The following GFPT2 variants were observed in gnomAD, a reference collection of about 807,000 sequenced individuals.
GFPT2 encodes glutamine--fructose-6-phosphate aminotransferase [isomerizing] 2.
Under a neutral mutation model 85.6 loss-of-function variants are expected in GFPT2, and 62 were observed. The ratio of observed to expected loss-of-function variants is 0.72; its 90% CI spans 0.59 to 0.90. GFPT2 has a LOEUF of 0.90. Ranked by LOEUF, GFPT2 falls within the 40% of genes least tolerant of loss-of-function variation. GFPT2 has a pLI of 0.00. For missense variants in GFPT2, 788 were observed against 893.4 expected, an observed-to-expected ratio of 0.88 and a Z score of 1.50; for synonymous variants, 368 against 344.5, an observed-to-expected ratio of 1.07 and a Z score of -0.75.
Position 180,330,123 on chromosome 5 carries a change from C to A in GFPT2, c.534+577G>T, listed in dbSNP as rs1270632583. Among the ~76,000 whole-genome samples the A allele has an allele frequency of 6.6e-6, 1 of 152,188 alleles. No individual in the cohort carries two copies. The highest frequency in any genetic ancestry group is 1.5e-5 in the Non-Finnish European group (1 of 68,038). On this transcript the variant is annotated intron_variant, in intron 6 of 18. Transcript: ENST00000253778. The surrounding 1 kb of genome is among the most constrained non-coding windows in gnomAD (Gnocchi z 4.4). ...ATCACTTAAAGTCAGGAGTTCGAGA[C>A]CAGCCTGGTCAACATAGTGAAACCC...
rs1296791151 is a variant in GFPT2, at chr5:180,324,303, T to C, written c.679A>G (p.Thr227Ala). Residue 227 changes from threonine to alanine, a missense_variant and splice_region_variant, in exon 9 of 19, where the codon ACT (threonine) becomes GCT (alanine). Physicochemically the swap from Thr to Ala is moderately conservative, Grantham distance 58 (BLOSUM62 0). Transcript: ENST00000253778. ...EQIPILYRTC[T>A]LENVKNICKT... ...CAGATATTCTTCACATTCTCCAGAG[T>C]GCCTAGCAAATGGAGGAATGGGTTG... 1.9e-6 allele frequency: 3 copies of C among 1,553,922 alleles called. No homozygotes were observed. The highest frequency in any genetic ancestry group is 2.6e-6 in the Non-Finnish European group (3 of 1,132,268).
At chr5:180,348,693 C>T (rs930345007) in intron 1 of GFPT2, among the ~76,000 whole-genome samples, 26 of 151,996 alleles carry the variant, frequency 1.7e-4, no homozygotes, top group African/African-American at 5.6e-4. Context: ...AGATAATAGA[C>T]TCTGCTTCCT....
rs116988206 is a variant in GFPT2, at chr5:180,337,176, C to T, written c.116-599G>A. On this transcript the variant is annotated intron_variant, in intron 2 of 18. Coordinates refer to ENST00000253778, the MANE Select transcript of GFPT2 (RefSeq NM_005110.4). ...TACTTAGAAAGAGTTTAGGATCGGC[C>T]GGGTGCGGTGGCTCACGCCTGTAAT... is the stretch of plus-strand genomic sequence containing the variant. 9.5e-4 allele frequency among the ~76,000 whole-genome samples: 145 copies of T among 152,290 alleles called. 3 individuals carry two copies. In the East Asian group the frequency reaches 0.026, roughly 27 times the overall value.
intron 9 of GFPT2, among the ~76,000 whole-genome samples, chr5:180,322,076 C>T (rs1160813866): frequency 6.6e-6 from 1 of 152,192 alleles, no homozygotes; most frequent in Admixed American, 6.5e-5. Flanking sequence ...CGTGAGCCAC[C>T]ACGCCCGGCC....
rs561814328 is a variant in GFPT2, at chr5:180,307,316, C to T, written c.1547-13G>A. On this transcript the variant is annotated splice_polypyrimidine_tract_variant and intron_variant, in intron 15 of 18. Transcript: ENST00000253778. ...TCCTTGATCAGCTCTGGGCCATGCA[C>T]GGAGCAGAGGGAGAAAACCAGTCAG... 12 of 1,613,686 alleles carry T rather than the reference C, an allele frequency of 7.4e-6. No individual in the cohort carries two copies. The highest frequency in any genetic ancestry group is 2.7e-5 in the African/African-American group (2 of 75,036).
At chr5:180,352,259 G>A (rs1048357352) in intron 1 of GFPT2, 1 of 373,246 alleles carries the variant, frequency 2.7e-6, no homozygotes, top group African/African-American at 2.3e-5. Flanking sequence ...AAGTCAGAGA[G>A]AGGCCTTTCA....
At chr5:180,316,003 C>T (rs925772152) in intron 13 of GFPT2, among the ~76,000 whole-genome samples, 1 of 152,234 alleles carries the variant, frequency 6.6e-6, no homozygotes, top group Non-Finnish European at 1.5e-5. Flanking sequence ...TTTCTATTAA[C>T]ATAAATCAGC....
intron 1 of GFPT2, among the ~76,000 whole-genome samples, chr5:180,348,001 G>A (rs2127658570): frequency 6.6e-6 from 1 of 152,196 alleles, no homozygotes; most frequent in Non-Finnish European, 1.5e-5. Flanking sequence ...ACCGTTCCAG[G>A]GAGAGGCCCA....
chr5:180,315,494 T>G (rs1763990154), intron 13 of GFPT2, among the ~76,000 whole-genome samples: 1 of 151,790 alleles, frequency 6.6e-6, no homozygotes, highest in Non-Finnish European at 1.5e-5. Flanking sequence ...ATGTTTTTCT[T>G]TTGTCATTTT....
intron 13 of GFPT2, among the ~76,000 whole-genome samples, chr5:180,314,754 C>T (rs1006172631): frequency 6.6e-5 from 10 of 152,086 alleles, no homozygotes; most frequent in African/African-American, 1.7e-4. Flanking sequence ...CGGGGTACTG[C>T]GGTGAGGGTG....
intron 4 of GFPT2, 125 bp downstream of exon 4, chr5:180,335,703 T>C (rs985719781): frequency 7.8e-6 from 8 of 1,029,208 alleles, no homozygotes; most frequent in Non-Finnish European, 1.1e-5. Context: ...CCGCATTCTC[T>C]TGGGAAGATG....
chr5:180,301,313 G>A lies in GFPT2; in HGVS notation c.*251C>T, dbSNP rs1763667786. 1 of 567,670 alleles carries A rather than the reference G, an allele frequency of 1.8e-6. No individual in the cohort carries two copies. The highest frequency in any genetic ancestry group is 3.1e-6 in the Non-Finnish European group (1 of 321,056). 35.2% of individuals were successfully genotyped at this position (567,670 alleles called of 1,614,324 possible). ...AGAGCTGTATCTCTATTGCACAGTA[G>A]TGGAGAAGTCTGCTCTGATCCCCAT... On this transcript the variant is annotated 3_prime_UTR_variant, in exon 19 of 19. Coordinates refer to ENST00000253778, the MANE Select transcript of GFPT2 (RefSeq NM_005110.4).
At chr5:180,317,871 T>C (rs1764044289) in intron 10 of GFPT2, among the ~76,000 whole-genome samples, 1 of 151,990 alleles carries the variant, frequency 6.6e-6, no homozygotes, top group South Asian at 2.1e-4. Flanking sequence ...TTCAAGCCCC[T>C]GCACCTGATG....
Position 180,324,259 on chromosome 5 carries a change from C to T in GFPT2, c.723G>A (p.Arg241=). ...VKNICKTRMK[R]LDSSACLHAV... The stretch of plus-strand genomic sequence containing the variant: ...CATGCAGGCAGGCGGAGCTGTCCAG[C>T]CTCTTCATCCGTGTCTTACAGATAT... Residue 241 remains arginine, a synonymous_variant, in exon 9 of 19, where the codon AGG becomes AGA. Coordinates refer to ENST00000253778, the MANE Select transcript of GFPT2 (RefSeq NM_005110.4). 3 of 1,612,580 alleles carry T rather than the reference C, an allele frequency of 1.9e-6. No individual in the cohort carries two copies. The highest frequency in any genetic ancestry group is 2.5e-6 in the Non-Finnish European group (3 of 1,178,872).
chr5:180,323,242 C>A lies in GFPT2; in HGVS notation c.794+946G>T, dbSNP rs575438219. On this transcript the variant is annotated intron_variant, in intron 9 of 18. Transcript: ENST00000253778. This position sits in a 1 kb window ranked among gnomAD's most constrained non-coding sequence, Gnocchi z 4.0. ...GTCTCGTTGGTATTCTCGGCGTGTTCTAAGGGGCACCATTTGGGAAGCGCT... is the reference window on the plus strand; with the variant it reads ...GTCTCGTTGGTATTCTCGGCGTGTTATAAGGGGCACCATTTGGGAAGCGCT... Among the ~76,000 whole-genome samples the A allele has an allele frequency of 3.9e-5, 6 of 152,080 alleles. No individual in the cohort carries two copies. Among genetic ancestry groups the A allele is most frequent in the Non-Finnish European group, 5.9e-5 (4 of 68,016 alleles).
chr5:180,346,589 C>T (rs760133895), intron 1 of GFPT2, among the ~76,000 whole-genome samples: 36 of 152,244 alleles, frequency 2.4e-4, no homozygotes, highest in South Asian at 4.1e-4. Context: ...GGCCTGAGCC[C>T]GCCTTGCTCC....
rs1280094084 is a variant in GFPT2 at position 180,330,704 on chromosome 5, T to C, written c.530A>G (p.Gln177Arg). The C allele has an allele frequency of 6.2e-7, 1 of 1,612,406 alleles. No homozygotes were observed. The highest frequency in any genetic ancestry group is 8.5e-7 in the Non-Finnish European group (1 of 1,178,460). Residue 177 changes from glutamine to arginine, a missense_variant, in exon 6 of 19, where the codon CAG becomes CGG. Coordinates refer to ENST00000253778, the MANE Select transcript of GFPT2 (RefSeq NM_005110.4). The surrounding 1 kb of genome is among the most constrained non-coding windows in gnomAD (Gnocchi z 4.4). Reference sequence around the variant, plus strand: ...CAGATGGGATTTGTAACTCACCAACTGCTGAATGACTCTCTCGACCAACGT... The same window carrying C: ...CAGATGGGATTTGTAACTCACCAACCGCTGAATGACTCTCTCGACCAACGT... ...FSTLVERVIQ[Q>R]LEGAFALVFK...
At chr5:180,321,064 A>G (rs1429704279) in intron 9 of GFPT2, among the ~76,000 whole-genome samples, 2 of 152,234 alleles carry the variant, frequency 1.3e-5, no homozygotes, top group African/African-American at 4.8e-5. Flanking sequence ...ATAACTTCGT[A>G]TGCTTTGTAT....
chr5:180,318,753 C>T lies in GFPT2; in HGVS notation c.958+40G>A, dbSNP rs748760398. 5 of 1,584,896 alleles carry T rather than the reference C, an allele frequency of 3.2e-6. No homozygotes were observed. The highest frequency in any genetic ancestry group is 2.2e-5 in the East Asian group (1 of 44,518). On this transcript the variant is annotated intron_variant, in intron 10 of 18. Coordinates refer to ENST00000253778, the MANE Select transcript of GFPT2 (RefSeq NM_005110.4). This position sits in a 1 kb window ranked among gnomAD's most constrained non-coding sequence, Gnocchi z 4.2. ...TCAGGAGCTCCACCAGGCGCGCTGGCTCCCGAGGCTGCCGCACGTGGACTC... is the reference window on the plus strand; with the variant it reads ...TCAGGAGCTCCACCAGGCGCGCTGGTTCCCGAGGCTGCCGCACGTGGACTC...
Sources: gnomAD v4.1 joint callset for allele counts (sites outside exome capture counted in the v4.1 genomes callset) on GRCh38, gnomAD v4.1.1 for gene constraint, Gnocchi (gnomAD v3.1) non-coding constraint, MANE v1.5 for transcripts, NCBI Gene and HGNC (gene_info 2026-07-23, HGNC 2026-07-21) for gene names.